Variants in HLCS observed in about 807,000 individuals in gnomAD.
HLCS encodes holocarboxylase synthetase, also known as biotin--protein ligase.
HLCS carries 53 observed loss-of-function variants against 75.0 expected under a neutral mutation model. The ratio of observed to expected loss-of-function variants is 0.71; its 90% CI spans 0.57 to 0.89. The LOEUF (loss-of-function observed/expected upper bound fraction) is 0.89, where lower values mean the gene tolerates loss of function less well. HLCS is among the 40% of genes least tolerant of loss of function. HLCS has a pLI of 0.00. For synonymous variants in HLCS, 431 were observed against 428.6 expected (o/e 1.01, Z -0.07); for missense variants, 966 against 1,074.0 (o/e 0.90, Z 1.41).
At chr21:36,778,216 A>G (rs545347208) in intron 6 of HLCS, among the ~76,000 whole-genome samples, 53 of 151,930 alleles carry the variant, frequency 3.5e-4, no homozygotes, top group East Asian at 2.9e-3. Flanking sequence ...TGATCCGCCC[A>G]CCTCTGCCTC....
chr21:36,880,946 CAG>C lies in HLCS; in HGVS notation c.1892+15912_1892+15913del, dbSNP rs199721251. On this transcript the variant is annotated intron_variant, in intron 6 of 10. Transcript: ENST00000674895. ...GTGTTTGGGTTGGAAGCGATGCCAGCAGAGAGTTTTTGTTTGTTTGTTTGTTT... is the reference window on the plus strand; with the variant it reads ...GTGTTTGGGTTGGAAGCGATGCCAGCAGAGTTTTTGTTTGTTTGTTTGTTT... Among the ~76,000 whole-genome samples, 931 of 145,532 alleles carry C rather than the reference CAG, an allele frequency of 6.4e-3. 2 individuals are homozygous for C. Among genetic ancestry groups the C allele is most frequent in the Non-Finnish European group, 9.7e-3 (648 of 67,058 alleles).
intron 6 of HLCS, among the ~76,000 whole-genome samples, chr21:36,797,889 C>T: frequency 6.6e-6 from 1 of 152,164 alleles, no homozygotes; most frequent in East Asian, 1.9e-4. Flanking sequence ...CCGAGAAATA[C>T]AGCAGTAGAC....
chr21:36,933,420 G>A (rs1041331262), intron 4 of HLCS, among the ~76,000 whole-genome samples: 10 of 151,712 alleles, frequency 6.6e-5, no homozygotes, highest in African/African-American at 2.2e-4. Context: ...GCCTGATAGC[G>A]CATGCTTGTA....
intron 6 of HLCS, among the ~76,000 whole-genome samples, chr21:36,807,507 C>T (rs537949284): frequency 1.3e-5 from 2 of 152,332 alleles, no homozygotes; most frequent in Admixed American, 1.3e-4. Flanking sequence ...AAGGGGCCCA[C>T]TGTTAATAAC....
At chr21:36,862,047 G>A (rs561478008) in intron 6 of HLCS, among the ~76,000 whole-genome samples, 1 of 152,118 alleles carries the variant, frequency 6.6e-6, no homozygotes. Context: ...ACAACATGTG[G>A]TCTTCTTCTG....
At chr21:36,806,978 C>T (rs1049255192) in intron 6 of HLCS, among the ~76,000 whole-genome samples, 34 of 152,332 alleles carry the variant, frequency 2.2e-4, no homozygotes, top group African/African-American at 7.9e-4. Context: ...CCACAGGCCT[C>T]GGTGCCCCAG....
At chr21:36,848,314 G>C (rs1386496466) in intron 6 of HLCS, among the ~76,000 whole-genome samples, 2 of 147,676 alleles carry the variant, frequency 1.4e-5, no homozygotes, top group Middle Eastern at 6.7e-3. Context: ...CTGTCACCCA[G>C]GCTGAAGTGC....
At chr21:36,952,789 C>CAAAAAA (rs35700333) in intron 2 of HLCS, among the ~76,000 whole-genome samples, 2 of 48,838 alleles carry the variant, frequency 4.1e-5, no homozygotes, top group Non-Finnish European at 8.7e-5. Context: ...GACTCCGTCT[C>CAAAAAA]AAAAAAAAAA....
intron 1 of HLCS, among the ~76,000 whole-genome samples, chr21:36,963,045 A>AG (rs1278909583): frequency 6.6e-6 from 1 of 152,212 alleles, no homozygotes; most frequent in Non-Finnish European, 1.5e-5. Context: ...AAGCTATTTC[A>AG]GGGAAAGGCA....
At chr21:36,885,305 A>G (rs1463563610) in intron 6 of HLCS, among the ~76,000 whole-genome samples, 3 of 151,998 alleles carry the variant, frequency 2.0e-5, no homozygotes, top group Admixed American at 2.0e-4. Context: ...TCAACAGTTC[A>G]AGGCCAACCT....
chr21:36,882,620 CTTT>C (rs35012674), intron 6 of HLCS, among the ~76,000 whole-genome samples: 5 of 104,448 alleles, frequency 4.8e-5, no homozygotes, highest in Non-Finnish European at 5.5e-5. Flanking sequence ...TTCTTTCTTT[CTTT>C]TTTTTTTTTT....
chr21:36,777,123 C>T (rs557175866), intron 6 of HLCS, among the ~76,000 whole-genome samples: 2 of 152,256 alleles, frequency 1.3e-5, no homozygotes, highest in South Asian at 4.1e-4. Context: ...TGTTAGGGTT[C>T]GTGCTTTGTG....
intron 6 of HLCS, among the ~76,000 whole-genome samples, chr21:36,856,015 G>A (rs886588819): frequency 1.3e-5 from 2 of 152,108 alleles, no homozygotes; most frequent in African/African-American, 4.8e-5. Flanking sequence ...TCCAGAACAG[G>A]CAAATCCATA....
chr21:36,777,783 G>T (rs2060406292), intron 6 of HLCS, among the ~76,000 whole-genome samples: 2 of 152,140 alleles, frequency 1.3e-5, no homozygotes, highest in Admixed American at 1.3e-4. Flanking sequence ...AGGCAGTGCT[G>T]TCTCCTGACA....
chr21:36,925,431 C>G (rs547156029), intron 5 of HLCS, among the ~76,000 whole-genome samples: 3 of 152,346 alleles, frequency 2.0e-5, no homozygotes, highest in Non-Finnish European at 4.4e-5. Context: ...CTCCCCAGAT[C>G]CTAAGCAGAT....
chr21:36,851,646 T>C (rs913214344), intron 6 of HLCS, among the ~76,000 whole-genome samples: 4 of 152,208 alleles, frequency 2.6e-5, no homozygotes, highest in African/African-American at 4.8e-5. Flanking sequence ...AATATTTTAA[T>C]TGTACATTTT....
chr21:36,823,887 A>T (rs777465980), intron 6 of HLCS, among the ~76,000 whole-genome samples: 1 of 152,180 alleles, frequency 6.6e-6, no homozygotes, highest in Non-Finnish European at 1.5e-5. Context: ...TTCTCTGAGC[A>T]TCTAACCCTA....
intron 5 of HLCS, among the ~76,000 whole-genome samples, chr21:36,914,354 T>C (rs996952154): frequency 3.9e-5 from 6 of 152,202 alleles, no homozygotes; most frequent in African/African-American, 1.4e-4. Context: ...ATTGATGTCA[T>C]TGGCTATCTA....
chr21:36,835,478 G>C (rs1465166164), intron 6 of HLCS, among the ~76,000 whole-genome samples: 2 of 152,204 alleles, frequency 1.3e-5, no homozygotes, highest in Non-Finnish European at 2.9e-5. Flanking sequence ...ATCACAGTTG[G>C]AAGCAGTAAT....
Sources: allele counts gnomAD v4.1 joint callset (sites outside exome capture counted in the v4.1 genomes callset), GRCh38; gene constraint gnomAD v4.1.1; transcripts MANE v1.5; gene names NCBI Gene and HGNC (gene_info 2026-07-23, HGNC 2026-07-21).